The following EXOC6B variants were observed in gnomAD, a reference collection of about 807,000 sequenced individuals.
The protein encoded by EXOC6B is exocyst complex component 6B.
Under a neutral mutation model 113.5 loss-of-function variants are expected in EXOC6B, and 54 were observed. That is an observed-to-expected ratio of 0.48 (90% confidence interval 0.38 to 0.60). The LOEUF (loss-of-function observed/expected upper bound fraction) is 0.60, where lower values mean the gene tolerates loss of function less well. Ranked by LOEUF, EXOC6B falls within the 20% of genes least tolerant of loss-of-function variation. EXOC6B has a pLI of 0.00. For synonymous variants in EXOC6B, 357 were observed against 339.0 expected, an observed-to-expected ratio of 1.05 and a Z score of -0.58; for missense variants, 797 against 977.5, an observed-to-expected ratio of 0.82 and a Z score of 2.46.
At chr2:72,818,279 G>A (rs1686382897) in intron 1 of EXOC6B, among the ~76,000 whole-genome samples, 1 of 151,860 alleles carries the variant, frequency 6.6e-6, no homozygotes, top group African/African-American at 2.4e-5. Flanking sequence ...CAAGTAGCTG[G>A]GACTACAGGT....
chr2:72,363,472 A>G (rs1423388303), intron 19 of EXOC6B, among the ~76,000 whole-genome samples: 1 of 152,106 alleles, frequency 6.6e-6, no homozygotes, highest in Non-Finnish European at 1.5e-5. Flanking sequence ...AGCAAAGTCA[A>G]TTTATTATAC....
At chr2:72,344,647 G>T (rs571400129) in intron 19 of EXOC6B, among the ~76,000 whole-genome samples, 1 of 152,178 alleles carries the variant, frequency 6.6e-6, no homozygotes, top group African/African-American at 2.4e-5. Flanking sequence ...CATGTCTATG[G>T]CAAGGATCAG....
chr2:72,649,386 T>C (rs939710319), intron 6 of EXOC6B, among the ~76,000 whole-genome samples: 2 of 152,136 alleles, frequency 1.3e-5, no homozygotes, highest in Non-Finnish European at 2.9e-5. Flanking sequence ...AAAAAGCAAA[T>C]GCTTGAGGTG....
chr2:72,486,491 AT>A (rs1251214812), intron 16 of EXOC6B, among the ~76,000 whole-genome samples: 4 of 151,992 alleles, frequency 2.6e-5, no homozygotes, highest in Non-Finnish European at 5.9e-5. Context: ...GCACAAATCA[AT>A]TTTTTTTACA....
chr2:72,586,161 G>A (rs1427890791), intron 6 of EXOC6B, among the ~76,000 whole-genome samples: 1 of 152,042 alleles, frequency 6.6e-6, no homozygotes, highest in African/African-American at 2.4e-5. Context: ...GAAAACCTAG[G>A]AAATGTCATT....
At chr2:72,771,109 A>G (rs1683382560) in intron 1 of EXOC6B, among the ~76,000 whole-genome samples, 1 of 152,218 alleles carries the variant, frequency 6.6e-6, no homozygotes, top group Admixed American at 6.6e-5. Flanking sequence ...GGTGACAACT[A>G]CAAAGTTATT....
At chr2:72,515,558 A>G in intron 8 of EXOC6B, 1 of 1,004,942 alleles carries the variant, frequency 1.0e-6, no homozygotes, top group Non-Finnish European at 1.2e-6. Flanking sequence ...AAGCAGGAAA[A>G]AAGCAGGAAT....
chr2:72,192,778 C>T (rs780183307), intron 20 of EXOC6B, among the ~76,000 whole-genome samples: 5 of 152,254 alleles, frequency 3.3e-5, no homozygotes, highest in African/African-American at 1.2e-4. Flanking sequence ...TAGAGAACTG[C>T]GCTCCCAAAG....
chr2:72,720,173 T>C (rs1422402953), intron 5 of EXOC6B, among the ~76,000 whole-genome samples: 2 of 151,378 alleles, frequency 1.3e-5, no homozygotes, highest in Non-Finnish European at 2.9e-5. Flanking sequence ...AACAAAAGAA[T>C]TCAAATAGTA....
intron 1 of EXOC6B, among the ~76,000 whole-genome samples, chr2:72,818,370 C>G (rs1686393401): frequency 6.8e-6 from 1 of 146,232 alleles, no homozygotes; most frequent in African/African-American, 2.5e-5. Context: ...ACCATGTTAG[C>G]CAGGATGGTC....
intron 7 of EXOC6B, among the ~76,000 whole-genome samples, chr2:72,567,835 G>T (rs532890157): frequency 4.6e-5 from 7 of 152,096 alleles, no homozygotes; most frequent in African/African-American, 1.7e-4. Context: ...CAAAAAATAA[G>T]GGGAGAAAAG....
At chr2:72,525,550 A>T (rs894942829) in intron 8 of EXOC6B, among the ~76,000 whole-genome samples, 1 of 152,158 alleles carries the variant, frequency 6.6e-6, no homozygotes, top group African/African-American at 2.4e-5. Flanking sequence ...ATTAGAAAAA[A>T]AATTTGGATT....
At chr2:72,598,091 T>C (rs1670189586) in intron 6 of EXOC6B, among the ~76,000 whole-genome samples, 2 of 151,900 alleles carry the variant, frequency 1.3e-5, no homozygotes, top group South Asian at 4.1e-4. Flanking sequence ...TACTTGACAT[T>C]TGTAGAATAC....
chr2:72,360,930 CAAAA>C (rs3063329), intron 19 of EXOC6B, among the ~76,000 whole-genome samples: 2 of 91,162 alleles, frequency 2.2e-5, no homozygotes, highest in African/African-American at 3.8e-5. Flanking sequence ...GACTCCATCT[CAAAA>C]AAAAAAAAAA....
At chr2:72,288,415 C>A (rs1685574028) in intron 20 of EXOC6B, among the ~76,000 whole-genome samples, 1 of 151,668 alleles carries the variant, frequency 6.6e-6, no homozygotes, top group Non-Finnish European at 1.5e-5. Context: ...AAAGACAAGA[C>A]AACAAAAAAA....
chr2:72,777,451 C>T (rs1683773945), intron 1 of EXOC6B, among the ~76,000 whole-genome samples: 1 of 151,624 alleles, frequency 6.6e-6, no homozygotes, highest in African/African-American at 2.4e-5. Context: ...AAACATTGAG[C>T]AAAAATTCAT....
intron 20 of EXOC6B, among the ~76,000 whole-genome samples, chr2:72,267,176 T>C (rs1256384149): frequency 1.3e-5 from 2 of 152,232 alleles, no homozygotes; most frequent in Admixed American, 6.5e-5. Flanking sequence ...TGCGGTTTTC[T>C]AGATATACAA....
At chr2:72,618,633 A>G (rs1182412176) in intron 6 of EXOC6B, among the ~76,000 whole-genome samples, 3 of 152,208 alleles carry the variant, frequency 2.0e-5, no homozygotes, top group East Asian at 3.9e-4. Flanking sequence ...GTTAGTGCCT[A>G]TTAAAGCATT....
chr2:72,420,376 A>G (rs1309163033), intron 18 of EXOC6B, among the ~76,000 whole-genome samples: 1 of 152,058 alleles, frequency 6.6e-6, no homozygotes, highest in Non-Finnish European at 1.5e-5. Context: ...TCCTAATGCT[A>G]TCCCTCCCCT....
Sources: gnomAD v4.1 joint callset for allele counts (sites outside exome capture counted in the v4.1 genomes callset) on GRCh38, gnomAD v4.1.1 for gene constraint, MANE v1.5 for transcripts, NCBI Gene and HGNC (gene_info 2026-07-23, HGNC 2026-07-21) for gene names.